Variants in AATK observed in about 807,000 individuals in gnomAD.
AATK encodes serine/threonine-protein kinase LMTK1.
Under a neutral mutation model 114.3 loss-of-function variants are expected in AATK, and 91 were observed. The observed-to-expected ratio is 0.80, with a 90% CI of 0.67 to 0.95. AATK has a LOEUF of 0.95. Ranked by LOEUF, AATK falls within the 40% of genes least tolerant of loss-of-function variation. The pLI, the probability that AATK is intolerant of heterozygous loss-of-function variation, is 0.00. For missense variants in AATK, 2,176 were observed against 1,965.2 expected (o/e 1.11, Z -2.03); for synonymous variants, 1,075 against 916.5 (o/e 1.17, Z -3.12).
chr17:81,128,137 C>T (rs916109920), intron 4 of AATK, among the ~76,000 whole-genome samples: 15 of 132,052 alleles, frequency 1.1e-4, no homozygotes, highest in Middle Eastern at 3.5e-3. Flanking sequence ...CAAGGTCCCC[C>T]GCTGCCCTCT....
At position 81,124,585 on chromosome 17, in the gene AATK, A is replaced by G. The variant is rs548973308; in HGVS notation, c.962+142T>C. ...CCCGGTGTGGGGTCGCCACCCAACCAGCCACTTGGGCTGCTGGCGTGTGGC... is the reference window on the plus strand; with the variant it reads ...CCCGGTGTGGGGTCGCCACCCAACCGGCCACTTGGGCTGCTGGCGTGTGGC... On this transcript the variant is annotated intron_variant, in intron 9 of 13. Transcript: ENST00000326724. The G allele has an allele frequency of 1.1e-3, 1,516 of 1,418,772 alleles. 14 individuals carry two copies. The African/African-American group carries it at 0.019, about 18-fold the overall frequency. The allele number at this position is 1,418,772 out of a possible 1,614,324, so 87.9% of individuals were successfully genotyped here. A position where few individuals can be genotyped will look rare whatever the true frequency, so the allele number is the denominator to read the frequency against.
At chr17:81,143,875 G>A (rs911789899) in intron 1 of AATK, among the ~76,000 whole-genome samples, 13 of 152,226 alleles carry the variant, frequency 8.5e-5, no homozygotes, top group African/African-American at 1.9e-4. Context: ...CCGTGGGTGC[G>A]GGCGTGACCC....
chr17:81,121,780 G>A lies in AATK; in HGVS notation c.2156C>T (p.Pro719Leu). ...PSPKQTPRAS[P>L]EPGYPGEPLL... is the part of the protein sequence containing the mutation. Reference sequence around the variant, plus strand: ...AGGCTCTCCAGGGTACCCCGGCTCGGGGGAGGCCCGTGGGGTCTGCTTTGG... The same window carrying A: ...AGGCTCTCCAGGGTACCCCGGCTCGAGGGAGGCCCGTGGGGTCTGCTTTGG... Residue 719 changes from proline (P) to leucine (L), a missense_variant, in exon 11 of 14, where the codon CCC (proline) becomes CTC (leucine). This residue lies in a region of AATK where 1,701 missense variants were observed against 1,394.7 expected (regional missense o/e 1.22). Transcript: ENST00000326724. The A allele has an allele frequency of 3.9e-6, 6 of 1,551,150 alleles. No homozygotes were observed. Among genetic ancestry groups the A allele is most frequent in the Middle Eastern group, 1.8e-4 (1 of 5,664 alleles).
chr17:81,165,646 C>G (rs368782979), intron 1 of AATK: 1 of 1,482,916 alleles, frequency 6.7e-7, no homozygotes, highest in Non-Finnish European at 9.0e-7. Context: ...CTCCTGGACA[C>G]CAGGGGCCCA....
chr17:81,165,778 C>A (rs1265106930), intron 1 of AATK, 160 bp downstream of exon 1: 5 of 1,507,994 alleles, frequency 3.3e-6, no homozygotes, highest in Non-Finnish European at 4.5e-6. Flanking sequence ...CCTGCCCCTC[C>A]GAGATCTGGG....
At chr17:81,160,101 G>C in intron 1 of AATK, 1 of 274,652 alleles carries the variant, frequency 3.6e-6, no homozygotes, top group Non-Finnish European at 5.5e-6. Context: ...GCCCACTGCA[G>C]AGGCCCTGCC....
rs1453821155 is a variant in AATK, at chr17:81,121,210, G to T, written c.2726C>A (p.Pro909Gln). 3 of 1,604,366 alleles carry T rather than the reference G, an allele frequency of 1.9e-6. No individual in the cohort carries two copies. The highest frequency in any genetic ancestry group is 1.7e-5 in the Admixed American group (1 of 59,032). ...TPDSLDSLDIPSSASDGGYEV... is the reference protein window; with the variant it reads ...TPDSLDSLDIQSSASDGGYEV... ...ATAGCCACCATCACTGGCTGAGGAC[G>T]GGATGTCCAGGGAGTCCAGGGAGTC... The change falls in exon 11 of 14, where the codon CCG becomes CAG. Residue 909 changes from proline to glutamine, a missense_variant. Transcript: ENST00000326724.
chr17:81,137,920 G>A (rs1289819718), intron 1 of AATK, among the ~76,000 whole-genome samples: 1 of 150,518 alleles, frequency 6.6e-6, no homozygotes, highest in African/African-American at 2.4e-5. Flanking sequence ...GGGCACACGT[G>A]CACACAGCCA....
chr17:81,157,032 G>A (rs569334203), intron 1 of AATK, among the ~76,000 whole-genome samples: 76 of 152,294 alleles, frequency 5.0e-4, no homozygotes, highest in Middle Eastern at 3.4e-3. Context: ...TGGCGGCATC[G>A]TGCCCAGCCC....
chr17:81,156,706 T>G lies in AATK; in HGVS notation c.55+9232A>C, dbSNP rs544609688. On this transcript the variant is annotated intron_variant, in intron 1 of 13. Transcript: ENST00000326724. ...GCCACCGCGCCCAGACTAAATGTCT[T>G]CTAAAGAATCTTTTAAATCATTTTT... Among the ~76,000 whole-genome samples, 13 of 152,354 alleles carry G rather than the reference T, an allele frequency of 8.5e-5. No individual in the cohort carries two copies. The South Asian group carries it at 2.7e-3, about 32-fold the overall frequency.
At chr17:81,163,731 G>A (rs1048265441) in intron 1 of AATK, among the ~76,000 whole-genome samples, 7 of 152,234 alleles carry the variant, frequency 4.6e-5, no homozygotes, top group Non-Finnish European at 8.8e-5. Context: ...TGTGCCCACA[G>A]CCTCCACTCT....
chr17:81,153,089 G>A (rs1420696887), intron 1 of AATK, among the ~76,000 whole-genome samples: 7 of 152,152 alleles, frequency 4.6e-5, no homozygotes, highest in Non-Finnish European at 8.8e-5. Context: ...TGATCCGCCT[G>A]CCTCGGCCTC....
chr17:81,133,392 G>T, intron 2 of AATK: 1 of 334,276 alleles, frequency 3.0e-6, no homozygotes, highest in South Asian at 2.1e-5. Context: ...CCCAAATGGG[G>T]GTGGCGCCAG....
intron 1 of AATK, among the ~76,000 whole-genome samples, chr17:81,163,978 A>C (rs2061455726): frequency 6.6e-6 from 1 of 152,054 alleles, no homozygotes; most frequent in South Asian, 2.1e-4. Flanking sequence ...GTGCCCCCCC[A>C]CAGACACAAG....
In AATK at chr17:81,141,899, TTCTC is replaced by T. The variant is rs572515302; in HGVS notation, c.56-7402_56-7399del. 5.3e-4 allele frequency among the ~76,000 whole-genome samples: 80 copies of T among 151,684 alleles called. 1 individual carries two copies. In the South Asian group the frequency reaches 7.7e-3, roughly 15 times the overall value. On this transcript the variant is annotated intron_variant, in intron 1 of 13. Transcript: ENST00000326724. ...CTTACTTTTTTTCTTTCTTTCTTTT[TTCTC>T]TCTCTTTCTCCCTCTCCTTCCTTCC... is the stretch of plus-strand genomic sequence containing the variant.
intron 1 of AATK, among the ~76,000 whole-genome samples, chr17:81,146,222 G>A (rs953272012): frequency 2.7e-4 from 41 of 151,376 alleles, no homozygotes; most frequent in East Asian, 9.7e-4. Flanking sequence ...TTAGCTGGGC[G>A]TGGTGATGCA....
At position 81,122,529 on chromosome 17, in the gene AATK, G is replaced by T. The variant is rs754947879; in HGVS notation, c.1407C>A (p.Thr469=). 6.8e-7 allele frequency: 1 copy of T among 1,481,224 alleles called. No homozygotes were observed. The highest frequency in any genetic ancestry group is 9.0e-7 in the Non-Finnish European group (1 of 1,111,938). 91.8% of individuals were successfully genotyped at this position (1,481,224 alleles called of 1,614,324 possible). The part of the protein sequence containing the change: ...HADGDDVLTV[T]ETSRGLNFEY... ...CAAAATTGAGGCCTCGGCTGGTCTC[G>T]GTCACCGTCAGCACGTCGTCGCCGT... Residue 469 remains threonine, a synonymous_variant, in exon 11 of 14, where the codon ACC becomes ACA. Coordinates refer to ENST00000326724, the MANE Select transcript of AATK (RefSeq NM_001080395.3).
intron 7 of AATK, chr17:81,125,419 A>G (rs369009455): frequency 4.2e-5 from 20 of 479,448 alleles, no homozygotes; most frequent in African/African-American, 3.9e-4. Context: ...GGGGAAACTG[A>G]GGCCTGGAGT....
chr17:81,138,795 A>G (rs903175496), intron 1 of AATK, among the ~76,000 whole-genome samples: 1 of 19,670 alleles, frequency 5.1e-5, no homozygotes, highest in African/African-American at 1.0e-4. Context: ...ATGTGCACAC[A>G]ATACCCACTT....
Sources: gnomAD v4.1 joint callset for allele counts (sites outside exome capture counted in the v4.1 genomes callset) on GRCh38, gnomAD v4.1.1 for gene constraint, gnomAD v4.1.1 regional missense constraint, MANE v1.5 for transcripts, NCBI Gene and HGNC (gene_info 2026-07-23, HGNC 2026-07-21) for gene names.